Variants in LYPD6 observed in about 807,000 individuals in gnomAD.
LYPD6 encodes the protein LY6/PLAUR domain containing 6.
Under a neutral mutation model 22.7 loss-of-function variants are expected in LYPD6, and 15 were observed. The observed-to-expected ratio is 0.66, with a 90% CI of 0.44 to 1.02. The LOEUF (loss-of-function observed/expected upper bound fraction) is 1.02. Ranked by LOEUF, LYPD6 falls within the 50% of genes least tolerant of loss-of-function variation. LYPD6 has a pLI of 0.00. For synonymous variants in LYPD6, 72 were observed against 77.5 expected, an observed-to-expected ratio of 0.93 and a Z score of 0.37; for missense variants, 189 against 208.4, an observed-to-expected ratio of 0.91 and a Z score of 0.57.
chr2:149,420,312 G>A (rs1683051137), intron 1 of LYPD6, among the ~76,000 whole-genome samples: 1 of 152,196 alleles, frequency 6.6e-6, no homozygotes, highest in East Asian at 1.9e-4. Context: ...GTTCAAGTTT[G>A]CAGTCTGCAA....
chr2:149,385,618 T>G (rs1682165035), intron 1 of LYPD6, among the ~76,000 whole-genome samples: 1 of 152,222 alleles, frequency 6.6e-6, no homozygotes. Flanking sequence ...TAGACTGACT[T>G]TGTATAGATA....
chr2:149,431,349 A>G (rs1377465754), intron 1 of LYPD6, among the ~76,000 whole-genome samples: 1 of 152,228 alleles, frequency 6.6e-6, no homozygotes, highest in Non-Finnish European at 1.5e-5. Context: ...CCCAGGAAAG[A>G]CTTCATATCA....
intron 1 of LYPD6, among the ~76,000 whole-genome samples, chr2:149,373,093 G>A (rs1348767768): frequency 6.6e-6 from 1 of 152,150 alleles, no homozygotes; most frequent in African/African-American, 2.4e-5. Context: ...CTGATGCTGT[G>A]GTCAGCAAGA....
intron 1 of LYPD6, among the ~76,000 whole-genome samples, chr2:149,411,501 T>C (rs1003875727): frequency 6.6e-6 from 1 of 152,244 alleles, no homozygotes; most frequent in Non-Finnish European, 1.5e-5. Context: ...TTGCTTGTTT[T>C]ATTTAACAGC....
Position 149,415,177 on chromosome 2 carries a change from AC to A in LYPD6, c.-71-22460del, listed in dbSNP as rs367956353. On this transcript the variant is annotated intron_variant, in intron 1 of 4. Coordinates refer to ENST00000334166, the MANE Select transcript of LYPD6 (RefSeq NM_194317.5). Reference sequence around the variant, plus strand: ...GTGTAGTATAAATATATGGAACCCTACAACTTGGTGTAGGATGTGGAGGAAT... The same window carrying A: ...GTGTAGTATAAATATATGGAACCCTAAACTTGGTGTAGGATGTGGAGGAAT... Among the ~76,000 whole-genome samples the A allele has an allele frequency of 4.1e-3, 624 of 152,308 alleles. 11 individuals carry two copies. In the Middle Eastern group the frequency reaches 0.051, roughly 12 times the overall value.
At chr2:149,364,745 A>G (rs1681629550) in intron 1 of LYPD6, among the ~76,000 whole-genome samples, 1 of 152,102 alleles carries the variant, frequency 6.6e-6, no homozygotes, top group South Asian at 2.1e-4. Flanking sequence ...CAAACAAGAA[A>G]AAGATACATA....
intron 1 of LYPD6, among the ~76,000 whole-genome samples, chr2:149,389,423 C>G (rs1682261001): frequency 6.6e-6 from 1 of 152,118 alleles, no homozygotes. Context: ...AGGCATGGAA[C>G]TGGTTTCAGG....
chr2:149,370,708 G>C (rs919770859), intron 1 of LYPD6: 1 of 152,190 alleles, frequency 6.6e-6, no homozygotes, highest in Non-Finnish European at 1.5e-5. Context: ...CAATTCCTAA[G>C]TAAGTTCAAG....
At chr2:149,405,342 T>C (rs1384680195) in intron 1 of LYPD6, among the ~76,000 whole-genome samples, 5 of 152,226 alleles carry the variant, frequency 3.3e-5, no homozygotes, top group East Asian at 1.9e-4. Context: ...TGGTAGAATT[T>C]GGCTGTGAAT....
chr2:149,355,371 A>G (rs946989144), intron 1 of LYPD6, among the ~76,000 whole-genome samples: 15 of 152,366 alleles, frequency 9.8e-5, no homozygotes, highest in Admixed American at 3.9e-4. Flanking sequence ...ATGGTCTTCA[A>G]TTAATCTTAT....
intron 1 of LYPD6, among the ~76,000 whole-genome samples, chr2:149,415,680 T>A (rs923165141): frequency 1.3e-5 from 2 of 152,158 alleles, no homozygotes; most frequent in African/African-American, 4.8e-5. Flanking sequence ...ATTCTTTTTT[T>A]CTTGGAGACA....
At chr2:149,478,419 T>C (rs1386299052), downstream of LYPD6, among the ~76,000 whole-genome samples, 6 of 146,134 alleles carry the variant, frequency 4.1e-5, no homozygotes, top group Non-Finnish European at 7.4e-5. Flanking sequence ...CATGTGTGGT[T>C]TTTTTTATTT....
intron 3 of LYPD6, among the ~76,000 whole-genome samples, chr2:149,451,846 G>A (rs1380264592): frequency 6.6e-6 from 1 of 152,188 alleles, no homozygotes; most frequent in Non-Finnish European, 1.5e-5. Context: ...TGAAAGATAG[G>A]AATCTGGTTT....
Position 149,337,572 on chromosome 2 carries a change from A to T in LYPD6, c.-72+6850A>T, listed in dbSNP as rs77003539. Among the ~76,000 whole-genome samples the T allele has an allele frequency of 7.5e-3, 1,143 of 151,960 alleles. 20 individuals carry two copies. The highest frequency in any genetic ancestry group is 0.026 in the African/African-American group (1,057 of 41,416). On this transcript the variant is annotated intron_variant, in intron 1 of 4. Coordinates refer to ENST00000334166, the MANE Select transcript of LYPD6 (RefSeq NM_194317.5). ...TTTCAGCCTTTGGCTTGGGTTCATCATCTTTTTCTCCCACTGTGGACACCA... is the reference window on the plus strand; with the variant it reads ...TTTCAGCCTTTGGCTTGGGTTCATCTTCTTTTTCTCCCACTGTGGACACCA...
downstream of LYPD6, among the ~76,000 whole-genome samples, chr2:149,474,914 G>A (rs1681425384): frequency 1.3e-5 from 2 of 152,098 alleles, no homozygotes; most frequent in Admixed American, 1.3e-4. Context: ...GATTACAGGT[G>A]TCTGCCACCA....
chr2:149,407,093 G>A (rs1280047685), intron 1 of LYPD6, among the ~76,000 whole-genome samples: 1 of 152,130 alleles, frequency 6.6e-6, no homozygotes, highest in Non-Finnish European at 1.5e-5. Flanking sequence ...AGTTTCTGCC[G>A]AGAGATCCAC....
At chr2:149,336,154 G>A (rs1681030374) in intron 1 of LYPD6, among the ~76,000 whole-genome samples, 2 of 152,172 alleles carry the variant, frequency 1.3e-5, no homozygotes, top group East Asian at 3.8e-4. Flanking sequence ...ACAAAAAATG[G>A]AGATCAATAG....
chr2:149,466,282 C>T (rs1225034775), intron 3 of LYPD6, among the ~76,000 whole-genome samples: 3 of 152,154 alleles, frequency 2.0e-5, no homozygotes, highest in Admixed American at 1.3e-4. Context: ...ACTTCTTAAA[C>T]CACAGAACCT....
chr2:149,331,326 C>G, intron 1 of LYPD6, among the ~76,000 whole-genome samples: 1 of 152,196 alleles, frequency 6.6e-6, no homozygotes, highest in East Asian at 1.9e-4. Flanking sequence ...CTTGACTTGG[C>G]GACCTGTTTT....
Sources: allele counts gnomAD v4.1 joint callset (sites outside exome capture counted in the v4.1 genomes callset), GRCh38; gene constraint gnomAD v4.1.1; transcripts MANE v1.5; gene names NCBI Gene and HGNC (gene_info 2026-07-23, HGNC 2026-07-21).